SNRNP40: variants seen among roughly 807,000 people sequenced by gnomAD.
SNRNP40 encodes U5 small nuclear ribonucleoprotein 40 kDa protein.
SNRNP40 carries 21 observed loss-of-function variants against 45.8 expected under a neutral mutation model. The ratio of observed to expected loss-of-function variants is 0.46; its 90% CI spans 0.32 to 0.66. SNRNP40 has a LOEUF of 0.66. Among genes scored for constraint, SNRNP40 ranks in the 30% least tolerant of loss-of-function variants. The probability of loss-of-function intolerance (pLI) is 0.03; values close to 1 mark genes in which losing one functional copy is unlikely to be tolerated. For synonymous variants in SNRNP40, 142 were observed against 163.8 expected (o/e 0.87, Z 1.01); for missense variants, 344 against 439.1 (o/e 0.78, Z 1.94).
intron 2 of SNRNP40, 60 bp downstream of exon 2, chr1:31,293,159 A>G: frequency 2.3e-6 from 2 of 859,928 alleles, no homozygotes; most frequent in Admixed American, 6.0e-5. Flanking sequence ...CCCAAGATTT[A>G]AAAAAAAAAA....
intron 8 of SNRNP40, among the ~76,000 whole-genome samples, chr1:31,266,546 T>A (rs1348149531): frequency 1.3e-5 from 2 of 152,220 alleles, no homozygotes; most frequent in African/African-American, 4.8e-5. Flanking sequence ...CAACAGCATC[T>A]GACAGAAGAA....
chr1:31,274,530 C>T lies in SNRNP40; in HGVS notation c.655-3031G>A, dbSNP rs1050750564. 3.9e-5 allele frequency among the ~76,000 whole-genome samples: 6 copies of T among 151,940 alleles called. No homozygotes were observed. In the East Asian group the frequency reaches 7.8e-4, roughly 20 times the overall value. ...TGCTGGGATTACAGGCTTGAGTCACCGCGCCTGGCCTGGCCTATATATTTA... is the reference window on the plus strand; with the variant it reads ...TGCTGGGATTACAGGCTTGAGTCACTGCGCCTGGCCTGGCCTATATATTTA... On this transcript the variant is annotated intron_variant, in intron 5 of 9. Transcript: ENST00000263694.
At chr1:31,282,874 C>T (rs912619576) in intron 4 of SNRNP40, among the ~76,000 whole-genome samples, 1 of 152,122 alleles carries the variant, frequency 6.6e-6, no homozygotes, top group African/African-American at 2.4e-5. Flanking sequence ...CAGGGTTTCG[C>T]CACGTTGACC....
chr1:31,286,574 C>A (rs1325669746), intron 4 of SNRNP40, among the ~76,000 whole-genome samples: 1 of 152,178 alleles, frequency 6.6e-6, no homozygotes, highest in Non-Finnish European at 1.5e-5. Context: ...TACACCAAAT[C>A]ATTTCTACCC....
intron 4 of SNRNP40, among the ~76,000 whole-genome samples, chr1:31,287,687 A>G (rs1490426217): frequency 1.3e-5 from 2 of 152,128 alleles, no homozygotes; most frequent in Non-Finnish European, 2.9e-5. Flanking sequence ...GTGATTAGGT[A>G]TAAGAAAACC....
At position 31,289,388 on chromosome 1, in the gene SNRNP40, C is replaced by T. The variant is rs769174300; in HGVS notation, c.397G>A (p.Val133Met). ...MLFSASTDKT[V>M]AVWDSETGER... ...CCTGTTTCACTATCCCACACAGCCA[C>T]GGTTTTATCTGTGGATGCTGAGAAA... Residue 133 changes from valine (V) to methionine (M), a missense_variant, in exon 4 of 10, where the codon GTG (valine) becomes ATG (methionine). Coordinates refer to ENST00000263694, the MANE Select transcript of SNRNP40 (RefSeq NM_004814.3). The T allele has an allele frequency of 1.2e-6, 2 of 1,613,966 alleles. No homozygotes were observed. Among genetic ancestry groups the T allele is most frequent in the Non-Finnish European group, 1.7e-6 (2 of 1,179,856 alleles).
Position 31,260,931 on chromosome 1 carries a change from A to C in SNRNP40, c.1024+598T>G, listed in dbSNP as rs906556172. On this transcript the variant is annotated intron_variant, in intron 9 of 9. Coordinates refer to ENST00000263694, the MANE Select transcript of SNRNP40 (RefSeq NM_004814.3). ...CATTGAAACAGACTTGATGGAAGTA[A>C]ATTTAAAAAAAAATTAGACTTACCA... 8.0e-5 allele frequency: 80 copies of C among 999,562 alleles called. 1 individual carries two copies. Among genetic ancestry groups the C allele is most frequent in the Non-Finnish European group, 7.8e-5 (61 of 784,548 alleles). The allele number at this position is 999,562 out of a possible 1,614,324, so 61.9% of individuals were successfully genotyped here.
chr1:31,295,003 C>T lies in SNRNP40; in HGVS notation c.141+1608G>A, dbSNP rs147932111. ...GGCAAACAGCAATGAACAAAATAAA[C>T]AATGGAGCTCGCTGTTCCAGTGGGA... is the stretch of plus-strand genomic sequence containing the variant. On this transcript the variant is annotated intron_variant, in intron 1 of 9. Coordinates refer to ENST00000263694, the MANE Select transcript of SNRNP40 (RefSeq NM_004814.3). Among the ~76,000 whole-genome samples the T allele has an allele frequency of 1.6e-3, 247 of 150,134 alleles. 1 individual carries two copies. Among genetic ancestry groups the T allele is most frequent in the African/African-American group, 5.6e-3 (229 of 40,892 alleles).
At chr1:31,267,849 C>G (rs964514382) in intron 8 of SNRNP40, 22 bp downstream of exon 8, 2 of 1,600,184 alleles carry the variant, frequency 1.2e-6, no homozygotes, top group South Asian at 2.2e-5. Flanking sequence ...TCATTCTTTA[C>G]TTTGCACCCA....
chr1:31,294,694 C>T (rs546273302), intron 1 of SNRNP40, among the ~76,000 whole-genome samples: 1 of 152,204 alleles, frequency 6.6e-6, no homozygotes, highest in African/African-American at 2.4e-5. Flanking sequence ...AATCCCAGCA[C>T]TTTGGGAGGC....
intron 5 of SNRNP40, among the ~76,000 whole-genome samples, chr1:31,273,272 T>G (rs142859679): frequency 9.6e-4 from 146 of 152,262 alleles, no homozygotes; most frequent in Non-Finnish European, 1.9e-3. Context: ...ACAGAACTTG[T>G]GTGTTATTTC....
intron 5 of SNRNP40, among the ~76,000 whole-genome samples, chr1:31,275,294 C>T (rs1645967150): frequency 6.6e-6 from 1 of 152,150 alleles, no homozygotes; most frequent in Non-Finnish European, 1.5e-5. Flanking sequence ...AGGAGCCTCT[C>T]CTTTGCATGT....
chr1:31,261,874 C>G (rs1645861502), intron 8 of SNRNP40: 2 of 334,050 alleles, frequency 6.0e-6, no homozygotes, highest in Admixed American at 4.7e-5. Flanking sequence ...TGTTTGAATA[C>G]AAGCTTCTGA....
intron 8 of SNRNP40, chr1:31,263,796 T>C (rs924899019): frequency 6.9e-5 from 16 of 231,434 alleles, no homozygotes; most frequent in Non-Finnish European, 1.0e-4. Context: ...AGGGGGTTCC[T>C]ATGTTCCTGA....
chr1:31,266,428 T>C (rs1345329157), intron 8 of SNRNP40, among the ~76,000 whole-genome samples: 3 of 152,180 alleles, frequency 2.0e-5, no homozygotes, highest in Non-Finnish European at 4.4e-5. Flanking sequence ...GAGGGTCTTA[T>C]TGTTCTTTAC....
chr1:31,266,944 TTGTC>T (rs1389921943), intron 8 of SNRNP40, among the ~76,000 whole-genome samples: 3 of 152,232 alleles, frequency 2.0e-5, no homozygotes, highest in Non-Finnish European at 1.5e-5. Flanking sequence ...GTACCTCACT[TTGTC>T]TGTCTGATTG....
intron 4 of SNRNP40, chr1:31,281,869 C>T (rs1008279727): frequency 3.8e-5 from 6 of 158,086 alleles, no homozygotes. Context: ...TAGGCTGCAA[C>T]CCACATTTAA....
chr1:31,262,096 G>C (rs1175988676), intron 8 of SNRNP40, among the ~76,000 whole-genome samples: 4 of 152,142 alleles, frequency 2.6e-5, no homozygotes, highest in Non-Finnish European at 5.9e-5. Flanking sequence ...CCTGAGAAGG[G>C]ACAGGAAGTG....
chr1:31,263,134 A>G (rs1196279330), intron 8 of SNRNP40: 1 of 152,344 alleles, frequency 6.6e-6, no homozygotes, highest in East Asian at 1.9e-4. Context: ...GAAATAACAC[A>G]ATGTACTTTC....
Sources: gnomAD v4.1 joint callset for allele counts (sites outside exome capture counted in the v4.1 genomes callset) on GRCh38, gnomAD v4.1.1 for gene constraint, MANE v1.5 for transcripts, NCBI Gene and HGNC (gene_info 2026-07-23, HGNC 2026-07-21) for gene names.